CLPB: variants seen among roughly 807,000 people sequenced by gnomAD.
The protein encoded by CLPB is mitochondrial disaggregase.
CLPB carries 40 observed loss-of-function variants against 78.4 expected under a neutral mutation model. That is an observed-to-expected ratio of 0.51 (90% CI 0.40 to 0.66). The LOEUF (loss-of-function observed/expected upper bound fraction) is 0.66. CLPB is among the 30% of genes least tolerant of loss of function. The pLI, the probability that CLPB is intolerant of heterozygous loss-of-function variation, is 0.00. For synonymous variants in CLPB, 333 were observed against 348.0 expected, an observed-to-expected ratio of 0.96 and a Z score of 0.48; for missense variants, 780 against 886.9, an observed-to-expected ratio of 0.88 and a Z score of 1.53.
At position 72,286,248 on chromosome 11, in the gene CLPB, A is replaced by ATTTTTTTTTTTTTTT; in HGVS notation, c.*7118_*7119insAAAAAAAAAAAAAAA. On this transcript the variant is annotated 3_prime_UTR_variant, in exon 16 of 16. Coordinates refer to ENST00000538039, the MANE Select transcript of CLPB (RefSeq NM_001258392.3). ...GTTTTTTTTTTTTTTTTTTTTTTTA[A>ATTTTTTTTTTTTTTT]GAGATAGGGTGTCACTCTGCCACCC... 2.6e-5 allele frequency: 1 copy of ATTTTTTTTTTTTTTT among 37,786 alleles called. No homozygotes were observed. Among genetic ancestry groups the ATTTTTTTTTTTTTTT allele is most frequent in the African/African-American group, 1.1e-4 (1 of 8,814 alleles). The allele number at this position is 37,786 out of a possible 1,614,324, so 2.3% of individuals were successfully genotyped here.
At chr11:72,327,703 G>C (rs774462557) in intron 6 of CLPB, among the ~76,000 whole-genome samples, 1 of 152,224 alleles carries the variant, frequency 6.6e-6, no homozygotes, top group Non-Finnish European at 1.5e-5. Context: ...GGGCTTGAAA[G>C]GGGAGCTGAT....
intron 4 of CLPB, among the ~76,000 whole-genome samples, chr11:72,371,098 C>T (rs750613820): frequency 6.6e-6 from 1 of 152,086 alleles, no homozygotes; most frequent in Non-Finnish European, 1.5e-5. Context: ...GGGTCTTGCT[C>T]TGTCACCCAG....
At chr11:72,422,827 T>C (rs544772253) in intron 2 of CLPB, among the ~76,000 whole-genome samples, 1 of 152,332 alleles carries the variant, frequency 6.6e-6, no homozygotes, top group East Asian at 1.9e-4. Context: ...ATAAAATCCC[T>C]GGATCAATGT....
intron 5 of CLPB, among the ~76,000 whole-genome samples, chr11:72,343,490 T>A (rs1302561467): frequency 1.3e-5 from 2 of 152,156 alleles, no homozygotes; most frequent in Non-Finnish European, 2.9e-5. Context: ...ATTTGCTTTT[T>A]AAAAAAACCA....
At position 72,398,427 on chromosome 11, in the gene CLPB, T is replaced by C. The variant is rs1186907608; in HGVS notation, c.542+4539A>G. On this transcript the variant is annotated intron_variant, in intron 3 of 15. Transcript: ENST00000538039. Reference sequence around the variant, plus strand: ...CAGCCATTGTGTCCAGTTTTAATCCTGTGTTTTCCCAAGTAATTAAGCCTT... The same window carrying C: ...CAGCCATTGTGTCCAGTTTTAATCCCGTGTTTTCCCAAGTAATTAAGCCTT... 2.0e-5 allele frequency among the ~76,000 whole-genome samples: 3 copies of C among 152,214 alleles called. No homozygotes were observed. The East Asian group carries it at 5.8e-4, about 29-fold the overall frequency.
intron 5 of CLPB, chr11:72,354,632 G>C: frequency 3.1e-6 from 1 of 324,514 alleles, no homozygotes; most frequent in Non-Finnish European, 5.5e-6. Flanking sequence ...CTGCATTCAA[G>C]TGCTGAAGCA....
intron 5 of CLPB, among the ~76,000 whole-genome samples, chr11:72,340,724 C>T (rs997708784): frequency 2.6e-5 from 4 of 152,188 alleles, no homozygotes; most frequent in African/African-American, 9.7e-5. Flanking sequence ...TTATGAGATC[C>T]TAATCATAGC....
chr11:72,379,656 G>A (rs1311048226), intron 4 of CLPB, among the ~76,000 whole-genome samples: 1 of 152,156 alleles, frequency 6.6e-6, no homozygotes, highest in East Asian at 1.9e-4. Flanking sequence ...CCCAGAGGAG[G>A]CATTGATGAT....
In CLPB at chr11:72,293,319, G is replaced by C. The variant is rs1246499770; in HGVS notation, c.*48C>G. 2 of 1,593,340 alleles carry C rather than the reference G, an allele frequency of 1.3e-6. No individual in the cohort carries two copies. Among genetic ancestry groups the C allele is most frequent in the Non-Finnish European group, 1.7e-6 (2 of 1,166,658 alleles). ...AAGTCAGTTGCCATGCCACAGCCAAGGGGCCTTTATTGGATGGTGAGGGCA... is the reference window on the plus strand; with the variant it reads ...AAGTCAGTTGCCATGCCACAGCCAACGGGCCTTTATTGGATGGTGAGGGCA... On this transcript the variant is annotated 3_prime_UTR_variant, in exon 16 of 16. Transcript: ENST00000538039.
rs1367799244 is a variant in CLPB, at chr11:72,290,194, A to C, written c.*3173T>G. On this transcript the variant is annotated 3_prime_UTR_variant, in exon 16 of 16. Coordinates refer to ENST00000538039, the MANE Select transcript of CLPB (RefSeq NM_001258392.3). ...AGCCTGAAACATCTTGTGGTGCCAG[A>C]AAATGCTTAAAAAGTGACAGGGGCA... The C allele has an allele frequency of 6.6e-5, 10 of 152,216 alleles. No homozygotes were observed. The highest frequency in any genetic ancestry group is 6.5e-4 in the Admixed American group (10 of 15,278). 9.4% of individuals were successfully genotyped at this position (152,216 alleles called of 1,614,324 possible). A position where few individuals can be genotyped will look rare whatever the true frequency, so the allele number is the denominator to read the frequency against.
At chr11:72,363,944 C>G (rs1449762532) in intron 4 of CLPB, among the ~76,000 whole-genome samples, 1 of 152,190 alleles carries the variant, frequency 6.6e-6, no homozygotes, top group Non-Finnish European at 1.5e-5. Context: ...AGACTCTATA[C>G]AAATTAAGAC....
At position 72,382,029 on chromosome 11, in the gene CLPB, C is replaced by T. The variant is rs115182212; in HGVS notation, c.543-1645G>A. On this transcript the variant is annotated intron_variant, in intron 3 of 15. Transcript: ENST00000538039. Reference sequence around the variant, plus strand: ...CCAGGCTAGCCCTCACAGACCTACCCTCTGGGGCAGCATCTGCACATCCAG... The same window carrying T: ...CCAGGCTAGCCCTCACAGACCTACCTTCTGGGGCAGCATCTGCACATCCAG... Among the ~76,000 whole-genome samples, 1,400 of 152,234 alleles carry T rather than the reference C, an allele frequency of 9.2e-3. 22 individuals are homozygous for T. The highest frequency in any genetic ancestry group is 0.032 in the African/African-American group (1,347 of 41,542).
rs185449015 is a variant in CLPB at position 72,337,998 on chromosome 11, T to A, written c.776-8194A>T. Among the ~76,000 whole-genome samples, 98 of 152,276 alleles carry A rather than the reference T, an allele frequency of 6.4e-4. 1 individual carries two copies. The highest frequency in any genetic ancestry group is 1.8e-4 in the Non-Finnish European group (12 of 68,018). ...CCCCAGTGGACATGCTCTGATATGA[T>A]CCCTTGCCTTCAGGGAGGCAGATTT... is the stretch of plus-strand genomic sequence containing the variant. On this transcript the variant is annotated intron_variant, in intron 5 of 15. Coordinates refer to ENST00000538039, the MANE Select transcript of CLPB (RefSeq NM_001258392.3).
chr11:72,394,647 G>A (rs1186200118), intron 3 of CLPB, among the ~76,000 whole-genome samples: 1 of 152,168 alleles, frequency 6.6e-6, no homozygotes, highest in Non-Finnish European at 1.5e-5. Context: ...TGCTGGAATT[G>A]GAATATCATT....
intron 2 of CLPB, among the ~76,000 whole-genome samples, chr11:72,403,470 C>T (rs79098290): frequency 0.015 from 2,309 of 152,304 alleles, 51 homozygotes; most frequent in African/African-American, 0.053. Context: ...CTATTTAATA[C>T]AATCCTTGTG....
intron 5 of CLPB, among the ~76,000 whole-genome samples, chr11:72,355,568 G>A (rs928892766): frequency 2.0e-5 from 3 of 152,192 alleles, no homozygotes; most frequent in East Asian, 1.9e-4. Context: ...TTAGATGTAC[G>A]AAAACTGAGG....
chr11:72,381,384 AGCCCCAG>A (rs1854908212), intron 3 of CLPB, among the ~76,000 whole-genome samples: 1 of 151,726 alleles, frequency 6.6e-6, no homozygotes, highest in South Asian at 2.1e-4. Flanking sequence ...CATACCCCAT[AGCCCCAG>A]GCTCCAGATC....
At chr11:72,397,246 A>G (rs905889146) in intron 3 of CLPB, among the ~76,000 whole-genome samples, 5 of 152,242 alleles carry the variant, frequency 3.3e-5, no homozygotes, top group African/African-American at 9.6e-5. Context: ...CCGTATGGAT[A>G]TACCACAATT....
intron 4 of CLPB, among the ~76,000 whole-genome samples, chr11:72,360,252 T>C (rs1950809712): frequency 6.6e-6 from 1 of 152,154 alleles, no homozygotes; most frequent in African/African-American, 2.4e-5. Flanking sequence ...AGAGGACAGG[T>C]TCCTCTTACC....
Sources: gnomAD v4.1 joint callset for allele counts (sites outside exome capture counted in the v4.1 genomes callset) on GRCh38, gnomAD v4.1.1 for gene constraint, MANE v1.5 for transcripts, NCBI Gene and HGNC (gene_info 2026-07-23, HGNC 2026-07-21) for gene names.